Variants in MBOAT2 observed in about 807,000 individuals in gnomAD.
The protein encoded by MBOAT2 is membrane bound glycerophospholipid O-acyltransferase 2.
In MBOAT2, 28 loss-of-function variants were observed where a neutral mutation model predicts 63.4. The observed-to-expected ratio is 0.44, with a 90% CI of 0.33 to 0.61. The LOEUF is 0.61. Ranked by LOEUF, MBOAT2 falls within the 20% of genes least tolerant of loss-of-function variation. The pLI is 0.03. For synonymous variants in MBOAT2, 211 were observed against 215.6 expected (o/e 0.98, Z 0.19); for missense variants, 470 against 605.8 (o/e 0.78, Z 2.35).
chr2:8,951,556 CA>C (rs979263671), intron 2 of MBOAT2, among the ~76,000 whole-genome samples: 92 of 152,222 alleles, frequency 6.0e-4, no homozygotes, highest in African/African-American at 2.2e-3. Flanking sequence ...TCTATCTGGT[CA>C]AGGGCTTTTT....
chr2:8,988,840 A>G (rs1206430752), intron 1 of MBOAT2, among the ~76,000 whole-genome samples: 1 of 152,174 alleles, frequency 6.6e-6, no homozygotes, highest in Admixed American at 6.5e-5. Context: ...AAAATCCTAA[A>G]CTCATGCATA....
At chr2:8,870,802 A>G (rs529210278) in intron 8 of MBOAT2, among the ~76,000 whole-genome samples, 5 of 152,364 alleles carry the variant, frequency 3.3e-5, no homozygotes, top group African/African-American at 9.6e-5. Context: ...TCAAATTGTC[A>G]TTCATATATA....
chr2:8,977,972 C>T (rs956303684), intron 1 of MBOAT2, among the ~76,000 whole-genome samples: 1 of 152,086 alleles, frequency 6.6e-6, no homozygotes, highest in African/African-American at 2.4e-5. Context: ...GCTGCGATGG[C>T]TTCTTATCTG....
At chr2:8,953,262 T>C (rs1357272184) in intron 2 of MBOAT2, among the ~76,000 whole-genome samples, 2 of 152,234 alleles carry the variant, frequency 1.3e-5, no homozygotes, top group Admixed American at 1.3e-4. Context: ...TTGGAATTTC[T>C]TTAAGAATGC....
chr2:8,876,114 T>C (rs1186015961), intron 7 of MBOAT2, among the ~76,000 whole-genome samples: 1 of 152,226 alleles, frequency 6.6e-6, no homozygotes, highest in African/African-American at 2.4e-5. Context: ...ACTTTATAGA[T>C]TTTACCAGAT....
intron 12 of MBOAT2, among the ~76,000 whole-genome samples, chr2:8,859,747 AGTGGAATTTG>A (rs1170379109): frequency 2.0e-5 from 3 of 152,226 alleles, no homozygotes; most frequent in African/African-American, 7.2e-5. Context: ...AATATGGGGA[AGTGGAATTTG>A]GTGGGCAGGG....
At chr2:8,873,007 G>A (rs1662441190) in intron 8 of MBOAT2, 101 bp downstream of exon 8, 2 of 1,004,728 alleles carry the variant, frequency 2.0e-6, no homozygotes, top group Non-Finnish European at 2.8e-6. Context: ...TTTTCCAATT[G>A]GTCTTTATGT....
chr2:8,887,438 G>A (rs1198992947), intron 5 of MBOAT2, among the ~76,000 whole-genome samples: 1 of 152,088 alleles, frequency 6.6e-6, no homozygotes, highest in Non-Finnish European at 1.5e-5. Flanking sequence ...ACACAGTAGG[G>A]CTCAAACTCA....
chr2:8,927,936 T>C (rs143001855), intron 3 of MBOAT2, among the ~76,000 whole-genome samples: 88 of 152,224 alleles, frequency 5.8e-4, no homozygotes, highest in African/African-American at 2.0e-3. Flanking sequence ...GGGAGCATGG[T>C]ACTGACATAC....
intron 1 of MBOAT2, among the ~76,000 whole-genome samples, chr2:8,982,655 T>C (rs1235456778): frequency 1.3e-5 from 2 of 152,174 alleles, no homozygotes; most frequent in Admixed American, 6.5e-5. Context: ...TTAGCTCAGA[T>C]GTAAGATCTC....
intron 2 of MBOAT2, among the ~76,000 whole-genome samples, chr2:8,949,125 T>A (rs1036058802): frequency 6.6e-6 from 1 of 152,220 alleles, no homozygotes; most frequent in Non-Finnish European, 1.5e-5. Context: ...TGAACACTTG[T>A]ATGTCTTCTT....
At chr2:8,880,865 G>T (rs1663069786) in intron 6 of MBOAT2, among the ~76,000 whole-genome samples, 1 of 152,248 alleles carries the variant, frequency 6.6e-6, no homozygotes, top group Non-Finnish European at 1.5e-5. Context: ...AATCTTGAAA[G>T]AATGAGTTCA....
At chr2:8,866,122 G>C (rs1179229602) in intron 9 of MBOAT2, among the ~76,000 whole-genome samples, 1 of 152,154 alleles carries the variant, frequency 6.6e-6, no homozygotes, top group Admixed American at 6.5e-5. Context: ...GTGGCACTTA[G>C]CATTGATGAC....
chr2:8,894,192 C>A (rs1445273491), intron 4 of MBOAT2, among the ~76,000 whole-genome samples: 1 of 152,150 alleles, frequency 6.6e-6, no homozygotes, highest in Non-Finnish European at 1.5e-5. Flanking sequence ...TGAGTGAGAA[C>A]AACACTGCAT....
intron 1 of MBOAT2, among the ~76,000 whole-genome samples, chr2:8,982,310 A>T (rs1671253002): frequency 6.6e-6 from 1 of 152,212 alleles, no homozygotes; most frequent in African/African-American, 2.4e-5. Flanking sequence ...TTCACAAAAA[A>T]ATATTTCTCA....
intron 2 of MBOAT2, among the ~76,000 whole-genome samples, chr2:8,953,800 T>C (rs1295335221): frequency 3.9e-5 from 6 of 152,236 alleles, no homozygotes; most frequent in Admixed American, 6.5e-5. Context: ...CTTTTACAGA[T>C]GTTTATCTCT....
intron 3 of MBOAT2, among the ~76,000 whole-genome samples, chr2:8,911,107 T>G (rs2148591315): frequency 6.6e-6 from 1 of 152,294 alleles, no homozygotes; most frequent in South Asian, 2.1e-4. Context: ...TCATTTTCAT[T>G]AACAATAATG....
At position 8,948,514 on chromosome 2, in the gene MBOAT2, C is replaced by T. The variant is rs948200876; in HGVS notation, c.222-5250G>A. On this transcript the variant is annotated intron_variant, in intron 2 of 12. Transcript: ENST00000305997. ...TCCTTATCTCCCACCTCTAGTAGTCCCCAGTGACCACTGCTGCCATCTTTA... is the reference window on the plus strand; with the variant it reads ...TCCTTATCTCCCACCTCTAGTAGTCTCCAGTGACCACTGCTGCCATCTTTA... Among the ~76,000 whole-genome samples the T allele has an allele frequency of 5.4e-4, 82 of 152,118 alleles. 1 individual carries two copies. Among genetic ancestry groups the T allele is most frequent in the African/African-American group, 1.8e-3 (73 of 41,414 alleles).
chr2:8,912,019 C>T (rs1665742749), intron 3 of MBOAT2, among the ~76,000 whole-genome samples: 1 of 151,854 alleles, frequency 6.6e-6, no homozygotes, highest in African/African-American at 2.4e-5. Context: ...TGCAGAAAAA[C>T]GATTTGACAA....
Sources: gnomAD v4.1 joint callset for allele counts (sites outside exome capture counted in the v4.1 genomes callset) on GRCh38, gnomAD v4.1.1 for gene constraint, MANE v1.5 for transcripts, NCBI Gene and HGNC (gene_info 2026-07-23, HGNC 2026-07-21) for gene names.